KCNIP4: variants seen among roughly 807,000 people sequenced by gnomAD.
KCNIP4 encodes Kv channel-interacting protein 4.
A neutral mutation model predicts 34.0 loss-of-function variants in KCNIP4; 12 were observed. The ratio of observed to expected loss-of-function variants is 0.35; its 90% CI spans 0.23 to 0.57. The LOEUF is 0.57. KCNIP4 is among the 20% of genes least tolerant of loss of function. The pLI is 0.83. For missense variants in KCNIP4, 238 were observed against 311.7 expected (o/e 0.76, Z 1.78); for synonymous variants, 124 against 102.2 (o/e 1.21, Z -1.29).
At chr4:21,192,084 A>G (rs1755690557) in intron 1 of KCNIP4, among the ~76,000 whole-genome samples, 1 of 152,192 alleles carries the variant, frequency 6.6e-6, no homozygotes, top group African/African-American at 2.4e-5. Flanking sequence ...AGACACTTAC[A>G]AGCAGACATT....
intron 1 of KCNIP4, among the ~76,000 whole-genome samples, chr4:21,407,335 C>G (rs949490220): frequency 4.6e-5 from 7 of 151,956 alleles, no homozygotes; most frequent in Non-Finnish European, 1.0e-4. Flanking sequence ...AAGTAACTTC[C>G]CTCTATATCT....
chr4:21,230,348 A>G (rs1343513602), intron 1 of KCNIP4, among the ~76,000 whole-genome samples: 1 of 152,072 alleles, frequency 6.6e-6, no homozygotes, highest in Non-Finnish European at 1.5e-5. Flanking sequence ...TATTATTTTT[A>G]AATTTAATTT....
At chr4:21,823,872 C>T (rs956534274) in intron 1 of KCNIP4, among the ~76,000 whole-genome samples, 10 of 152,156 alleles carry the variant, frequency 6.6e-5, no homozygotes, top group Admixed American at 3.9e-4. Context: ...ATAAACACCC[C>T]TCTACAATGC....
intron 1 of KCNIP4, among the ~76,000 whole-genome samples, chr4:21,586,528 A>T (rs1265615063): frequency 6.6e-6 from 1 of 152,016 alleles, no homozygotes; most frequent in African/African-American, 2.4e-5. Context: ...AGATTTTTTT[A>T]AAAATCAAAG....
At chr4:21,905,047 A>T (rs1488787195) in intron 1 of KCNIP4, among the ~76,000 whole-genome samples, 1 of 152,236 alleles carries the variant, frequency 6.6e-6, no homozygotes, top group African/African-American at 2.4e-5. Context: ...CTTCAATATT[A>T]TGCATAAGCA....
chr4:21,500,654 A>C (rs747138452), intron 1 of KCNIP4, among the ~76,000 whole-genome samples: 1 of 152,146 alleles, frequency 6.6e-6, no homozygotes, highest in Admixed American at 6.6e-5. Context: ...AGGGTACATT[A>C]GTGTTTTCTG....
chr4:21,886,021 G>T (rs913162596), intron 1 of KCNIP4, among the ~76,000 whole-genome samples: 1 of 152,004 alleles, frequency 6.6e-6, no homozygotes, highest in Non-Finnish European at 1.5e-5. Context: ...TGTGGATAAG[G>T]CTTGTGGATT....
chr4:21,434,396 T>C (rs1577354049), intron 1 of KCNIP4, among the ~76,000 whole-genome samples: 1 of 152,168 alleles, frequency 6.6e-6, no homozygotes, highest in African/African-American at 2.4e-5. Flanking sequence ...GAAAAATTAA[T>C]AGTAAGGTTT....
chr4:21,646,988 G>T (rs868602056), intron 1 of KCNIP4, among the ~76,000 whole-genome samples: 1 of 151,530 alleles, frequency 6.6e-6, no homozygotes, highest in Admixed American at 6.6e-5. Context: ...AGTTTTGAGG[G>T]GAAAAAAAAC....
intron 1 of KCNIP4, among the ~76,000 whole-genome samples, chr4:21,190,134 C>T (rs370751600): frequency 6.6e-5 from 10 of 152,322 alleles, no homozygotes; most frequent in African/African-American, 2.4e-4. Context: ...TGTTCCCAAA[C>T]TGCAATTCTT....
intron 1 of KCNIP4, among the ~76,000 whole-genome samples, chr4:21,026,182 C>A (rs1021370258): frequency 7.9e-5 from 12 of 152,278 alleles, no homozygotes; most frequent in African/African-American, 2.9e-4. Context: ...CCAGAGGAGA[C>A]AGCAGAGACT....
At chr4:21,251,354 T>C (rs775564147) in intron 1 of KCNIP4, among the ~76,000 whole-genome samples, 17 of 152,206 alleles carry the variant, frequency 1.1e-4, no homozygotes, top group Non-Finnish European at 1.6e-4. Flanking sequence ...TTGCATGCAT[T>C]ACTTTTTACT....
chr4:21,858,356 G>A (rs1400400117), intron 1 of KCNIP4, among the ~76,000 whole-genome samples: 1 of 152,210 alleles, frequency 6.6e-6, no homozygotes, highest in African/African-American at 2.4e-5. Flanking sequence ...AAGAAAAATG[G>A]CTAGGAAAAA....
intron 1 of KCNIP4, among the ~76,000 whole-genome samples, chr4:21,210,423 C>A (rs771256702): frequency 2.6e-5 from 4 of 152,104 alleles, no homozygotes; most frequent in Non-Finnish European, 5.9e-5. Context: ...CCATTGAAAG[C>A]TAGAAGTCTA....
chr4:21,005,950 T>G (rs1738517403), intron 1 of KCNIP4, among the ~76,000 whole-genome samples: 1 of 152,202 alleles, frequency 6.6e-6, no homozygotes, highest in East Asian at 1.9e-4. Flanking sequence ...ATCTACTCAT[T>G]AAAAATAATG....
chr4:21,025,563 T>G (rs200944266), intron 1 of KCNIP4, among the ~76,000 whole-genome samples: 1 of 124,442 alleles, frequency 8.0e-6, no homozygotes, highest in East Asian at 2.2e-4. Flanking sequence ...TTTTTTTTTT[T>G]TTTTTTTTGA....
chr4:21,028,951 C>A (rs1740775605), intron 1 of KCNIP4, among the ~76,000 whole-genome samples: 1 of 152,122 alleles, frequency 6.6e-6, no homozygotes, highest in Non-Finnish European at 1.5e-5. Context: ...TCCATAGTAA[C>A]CAGGCCTGTG....
chr4:20,897,861 C>G (rs180683048), intron 1 of KCNIP4, among the ~76,000 whole-genome samples: 1 of 152,160 alleles, frequency 6.6e-6, no homozygotes, highest in Non-Finnish European at 1.5e-5. Flanking sequence ...CAGTCTTTGA[C>G]ATTTTCTTAC....
intron 1 of KCNIP4, among the ~76,000 whole-genome samples, chr4:20,989,181 A>AT (rs1736860753): frequency 6.6e-6 from 1 of 152,116 alleles, no homozygotes; most frequent in Admixed American, 6.5e-5. Flanking sequence ...CTATTAATCT[A>AT]TTTTTCCCAT....
Sources: gnomAD v4.1 joint callset for allele counts (sites outside exome capture counted in the v4.1 genomes callset) on GRCh38, gnomAD v4.1.1 for gene constraint, MANE v1.5 for transcripts, NCBI Gene and HGNC (gene_info 2026-07-23, HGNC 2026-07-21) for gene names.